GULP1: variants seen among roughly 807,000 people sequenced by gnomAD.
The protein encoded by GULP1 is GULP PTB domain containing engulfment adaptor 1, also known as PTB domain-containing engulfment adapter protein 1.
Under a neutral mutation model 40.9 loss-of-function variants are expected in GULP1, and 19 were observed. That is an observed-to-expected ratio of 0.46 (90% CI 0.32 to 0.68). The LOEUF is 0.68. Ranked by LOEUF, GULP1 falls within the 30% of genes least tolerant of loss-of-function variation. The pLI, the probability that GULP1 is intolerant of heterozygous loss-of-function variation, is 0.03. For synonymous variants in GULP1, 119 were observed against 117.6 expected, an observed-to-expected ratio of 1.01 and a Z score of -0.08; for missense variants, 312 against 362.2, an observed-to-expected ratio of 0.86 and a Z score of 1.12.
chr2:188,411,303 C>T (rs1232166387), intron 2 of GULP1, among the ~76,000 whole-genome samples: 2 of 152,120 alleles, frequency 1.3e-5, no homozygotes, highest in African/African-American at 4.8e-5. Context: ...AAGTAGCTGG[C>T]TGATCAGCCT....
intron 2 of GULP1, among the ~76,000 whole-genome samples, chr2:188,384,790 G>T (rs990068981): frequency 6.6e-6 from 1 of 152,166 alleles, no homozygotes; most frequent in Non-Finnish European, 1.5e-5. Flanking sequence ...GCCCCACGCT[G>T]TTCCAAAATC....
At chr2:188,495,777 A>C (rs1203866561) in intron 4 of GULP1, among the ~76,000 whole-genome samples, 2 of 151,804 alleles carry the variant, frequency 1.3e-5, no homozygotes, top group African/African-American at 4.8e-5. Context: ...ATTAAATGTT[A>C]GTTATTCTCT....
At chr2:188,525,133 ATAAT>A (rs1376795885) in intron 5 of GULP1, among the ~76,000 whole-genome samples, 36 of 152,092 alleles carry the variant, frequency 2.4e-4, no homozygotes, top group South Asian at 6.2e-4. Flanking sequence ...CTTTATAAAT[ATAAT>A]TATTTTTATA....
intron 2 of GULP1, among the ~76,000 whole-genome samples, chr2:188,386,243 A>G (rs923032192): frequency 2.2e-4 from 34 of 152,248 alleles, no homozygotes; most frequent in African/African-American, 7.9e-4. Flanking sequence ...CTTGTGTAGG[A>G]AAACTCCCAT....
chr2:188,430,496 A>T (rs940161115), intron 2 of GULP1, among the ~76,000 whole-genome samples: 1 of 152,328 alleles, frequency 6.6e-6, no homozygotes, highest in East Asian at 1.9e-4. Flanking sequence ...TAGAGCCCTT[A>T]AGCAAGAGAA....
intron 2 of GULP1, among the ~76,000 whole-genome samples, chr2:188,449,924 T>G (rs954580439): frequency 3.9e-5 from 6 of 152,222 alleles, no homozygotes; most frequent in Admixed American, 2.6e-4. Context: ...TTTAGAAAAC[T>G]GTTCTTGGCT....
intron 4 of GULP1, among the ~76,000 whole-genome samples, chr2:188,499,276 T>C (rs548089580): frequency 1.3e-5 from 2 of 150,744 alleles, no homozygotes; most frequent in South Asian, 4.2e-4. Flanking sequence ...AGCAATTCTC[T>C]TGAAACCTGA....
At chr2:188,310,849 A>G (rs957859782) in intron 1 of GULP1, among the ~76,000 whole-genome samples, 1 of 152,244 alleles carries the variant, frequency 6.6e-6, no homozygotes, top group African/African-American at 2.4e-5. Context: ...CATAGGAGGA[A>G]GCTAATAGAG....
At chr2:188,299,036 C>T (rs374792107) in intron 1 of GULP1, among the ~76,000 whole-genome samples, 19 of 152,240 alleles carry the variant, frequency 1.2e-4, no homozygotes, top group Non-Finnish European at 2.6e-4. Flanking sequence ...AGGGTTGGAC[C>T]GCACAGTCTA....
intron 7 of GULP1, among the ~76,000 whole-genome samples, chr2:188,559,411 A>T (rs1695662668): frequency 6.6e-6 from 1 of 152,234 alleles, no homozygotes; most frequent in Non-Finnish European, 1.5e-5. Flanking sequence ...AAACTCCTGG[A>T]TGCCCAGGCA....
At chr2:188,554,863 G>T (rs542519884) in intron 7 of GULP1, among the ~76,000 whole-genome samples, 4 of 151,766 alleles carry the variant, frequency 2.6e-5, no homozygotes, top group African/African-American at 7.3e-5. Context: ...TTGTTATATC[G>T]TCTCACTGGA....
At chr2:188,577,048 T>C (rs1700309526) in intron 9 of GULP1, among the ~76,000 whole-genome samples, 1 of 152,136 alleles carries the variant, frequency 6.6e-6, no homozygotes, top group African/African-American at 2.4e-5. Context: ...CTCTTGATTC[T>C]TGTATCTGGG....
intron 2 of GULP1, among the ~76,000 whole-genome samples, chr2:188,410,655 A>C (rs1452372546): frequency 1.3e-5 from 2 of 152,146 alleles, no homozygotes; most frequent in African/African-American, 2.4e-5. Flanking sequence ...CTATCATCTC[A>C]TTAGACGTAG....
intron 6 of GULP1, among the ~76,000 whole-genome samples, chr2:188,533,025 C>A (rs569991907): frequency 1.3e-5 from 2 of 152,202 alleles, no homozygotes; most frequent in Admixed American, 6.6e-5. Context: ...GCTTCCTGAC[C>A]ACTTGAAGAA....
intron 1 of GULP1, among the ~76,000 whole-genome samples, chr2:188,345,215 G>A (rs1017012283): frequency 1.3e-5 from 2 of 152,132 alleles, no homozygotes; most frequent in African/African-American, 2.4e-5. Flanking sequence ...ACGCAAGACC[G>A]TTTCCCTAAA....
chr2:188,379,211 G>T (rs2048698212), intron 1 of GULP1, among the ~76,000 whole-genome samples: 1 of 152,088 alleles, frequency 6.6e-6, no homozygotes, highest in Non-Finnish European at 1.5e-5. Context: ...GATTGAATTT[G>T]ATTTTAAATT....
intron 1 of GULP1, among the ~76,000 whole-genome samples, chr2:188,320,221 G>A (rs1455328055): frequency 6.6e-6 from 1 of 152,064 alleles, no homozygotes; most frequent in Non-Finnish European, 1.5e-5. Flanking sequence ...AAGTTTATTA[G>A]CATCTCTAAA....
intron 1 of GULP1, among the ~76,000 whole-genome samples, chr2:188,336,198 C>A (rs2042232732): frequency 6.6e-6 from 1 of 152,172 alleles, no homozygotes; most frequent in Non-Finnish European, 1.5e-5. Flanking sequence ...CTGCTCTGCC[C>A]TGCTGCCTTT....
intron 6 of GULP1, among the ~76,000 whole-genome samples, chr2:188,529,427 C>T: frequency 6.6e-6 from 1 of 151,920 alleles, no homozygotes; most frequent in East Asian, 1.9e-4. Context: ...TAAGTGCATT[C>T]AACAGTGTTT....
Sources: allele counts gnomAD v4.1 joint callset (sites outside exome capture counted in the v4.1 genomes callset), GRCh38; gene constraint gnomAD v4.1.1; transcripts MANE v1.5; gene names NCBI Gene and HGNC (gene_info 2026-07-23, HGNC 2026-07-21).